PRDM16: variants seen among roughly 807,000 people sequenced by gnomAD.
PRDM16 encodes the protein PR/SET domain 16.
PRDM16 carries 23 observed loss-of-function variants against 110.6 expected under a neutral mutation model. The ratio of observed to expected loss-of-function variants is 0.21; its 90% CI spans 0.15 to 0.29. The LOEUF is 0.29. Among genes scored for constraint, PRDM16 ranks in the 10% least tolerant of loss-of-function variants. The pLI is 1.00. For missense variants in PRDM16, 1,615 were observed against 1,794.3 expected, an observed-to-expected ratio of 0.90 and a Z score of 1.81; for synonymous variants, 799 against 781.8, an observed-to-expected ratio of 1.02 and a Z score of -0.37.
chr1:3,361,768 T>C (rs1642717790), intron 3 of PRDM16, among the ~76,000 whole-genome samples: 1 of 142,522 alleles, frequency 7.0e-6, no homozygotes, highest in Non-Finnish European at 1.5e-5. Context: ...AGTGACGCGG[T>C]CTGGGAGGGC....
chr1:3,161,954 G>C (rs1039055968), intron 1 of PRDM16, among the ~76,000 whole-genome samples: 2 of 152,124 alleles, frequency 1.3e-5, no homozygotes, highest in African/African-American at 2.4e-5. Flanking sequence ...GCTCGTGTTC[G>C]GGCAGCGCTC....
rs34666813 is a variant in PRDM16, at chr1:3,297,280, A to ATT, written c.438+53165_438+53166dup. On this transcript the variant is annotated intron_variant, in intron 3 of 16. Coordinates refer to ENST00000270722, the MANE Select transcript of PRDM16 (RefSeq NM_022114.4). ...TCCAGGTCAACGTCTGGTGAGAGGAATTTTTTTTTTTTTTTTTTTTTTTGA... is the reference window on the plus strand; with the variant it reads ...TCCAGGTCAACGTCTGGTGAGAGGAATTTTTTTTTTTTTTTTTTTTTTTTTGA... Among the ~76,000 whole-genome samples, 521 of 120,948 alleles carry ATT rather than the reference A, an allele frequency of 4.3e-3. 4 individuals carry two copies. The highest frequency in any genetic ancestry group is 0.016 in the African/African-American group (494 of 31,622). The allele number at this position is 120,948 out of a possible 152,430, so 79.3% of individuals were successfully genotyped here.
rs1024227690 is a variant in PRDM16 at position 3,265,427 on chromosome 1, T to C, written c.438+21290T>C. On this transcript the variant is annotated intron_variant, in intron 3 of 16. Coordinates refer to ENST00000270722, the MANE Select transcript of PRDM16 (RefSeq NM_022114.4). This position sits in a 1 kb window ranked among gnomAD's most constrained non-coding sequence, Gnocchi z 4.5. ...GTGAAGGGCCTAGTAGGGGCTGAGGTCCTGTCCCAGTAGGGGGTTGGGGAG... is the reference window on the plus strand; with the variant it reads ...GTGAAGGGCCTAGTAGGGGCTGAGGCCCTGTCCCAGTAGGGGGTTGGGGAG... Among the ~76,000 whole-genome samples, 2 of 151,328 alleles carry C rather than the reference T, an allele frequency of 1.3e-5. No homozygotes were observed. Among genetic ancestry groups the C allele is most frequent in the African/African-American group, 2.4e-5 (1 of 41,132 alleles).
intron 1 of PRDM16, among the ~76,000 whole-genome samples, chr1:3,133,949 A>G (rs1337810432): frequency 6.6e-6 from 1 of 152,240 alleles, no homozygotes; most frequent in African/African-American, 2.4e-5. Context: ...GAGCAGCCCC[A>G]AAGCACACAC....
intron 3 of PRDM16, among the ~76,000 whole-genome samples, chr1:3,298,458 T>C (rs60415864): frequency 1.3e-5 from 2 of 152,240 alleles, no homozygotes; most frequent in African/African-American, 4.8e-5. Context: ...ATGGAGGCAC[T>C]GAAGCTTTCA....
chr1:3,409,771 TTGTG>T (rs975744367), intron 8 of PRDM16, among the ~76,000 whole-genome samples: 3 of 121,528 alleles, frequency 2.5e-5, no homozygotes, highest in South Asian at 2.8e-4. Context: ...GTGTGTGTGG[TTGTG>T]TGTGGGTGTG....
At chr1:3,328,316 G>A (rs982975940) in intron 3 of PRDM16, among the ~76,000 whole-genome samples, 1 of 152,222 alleles carries the variant, frequency 6.6e-6, no homozygotes, top group African/African-American at 2.4e-5. Context: ...TGTGCAGTGG[G>A]GGGTGCTCAC....
rs927257826 is a variant in PRDM16, at chr1:3,436,698, G to A, written c.*2887G>A. 6.9e-5 allele frequency: 16 copies of A among 231,516 alleles called. No individual in the cohort carries two copies. Among genetic ancestry groups the A allele is most frequent in the African/African-American group, 2.4e-4 (11 of 45,286 alleles). The allele number at this position is 231,516 out of a possible 1,614,324, so 14.3% of individuals were successfully genotyped here. A position where few individuals can be genotyped will look rare whatever the true frequency, so the allele number is the denominator to read the frequency against. On this transcript the variant is annotated 3_prime_UTR_variant, in exon 17 of 17. Coordinates refer to ENST00000270722, the MANE Select transcript of PRDM16 (RefSeq NM_022114.4). ...TGACAAGGGCCAGGGAGCCTGGCCC[G>A]GGTGTGAGAATTCAGAGATTCTGGC...
rs1644074885 is a variant in PRDM16 at position 3,175,531 on chromosome 1, C to T, written c.38-10594C>T. Reference sequence around the variant, plus strand: ...AGGCACCCAGTTGGGGGAACATTCTCCAGGTCTCTGACCCACTACACAGCA... The same window carrying T: ...AGGCACCCAGTTGGGGGAACATTCTTCAGGTCTCTGACCCACTACACAGCA... On this transcript the variant is annotated intron_variant, in intron 1 of 16. Transcript: ENST00000270722. This position sits in a 1 kb window ranked among gnomAD's most constrained non-coding sequence, Gnocchi z 4.8. 6.6e-6 allele frequency among the ~76,000 whole-genome samples: 1 copy of T among 152,096 alleles called. No homozygotes were observed. The highest frequency in any genetic ancestry group is 1.5e-5 in the Non-Finnish European group (1 of 68,024).
rs1038838939 is a variant in PRDM16, at chr1:3,411,576, G to C, written c.1379G>C (p.Gly460Ala). ...HYTPGGIFAP[G>A]LPLTPSPMMD... ...ACGCCGGGCGGCATCTTTGCCCCGGGCCTGCCCTTGACCCCCAGCCCCATG... is the reference window on the plus strand; with the variant it reads ...ACGCCGGGCGGCATCTTTGCCCCGGCCCTGCCCTTGACCCCCAGCCCCATG... Residue 460 changes from glycine to alanine, a missense_variant, in exon 9 of 17, where the codon GGC (glycine) becomes GCC (alanine). Physicochemically the swap from Gly to Ala is moderately conservative, Grantham distance 60. Coordinates refer to ENST00000270722, the MANE Select transcript of PRDM16 (RefSeq NM_022114.4). 6.2e-7 allele frequency: 1 copy of C among 1,614,024 alleles called. No individual in the cohort carries two copies. Among genetic ancestry groups the C allele is most frequent in the Admixed American group, 1.7e-5 (1 of 60,030 alleles).
intron 3 of PRDM16, among the ~76,000 whole-genome samples, chr1:3,266,333 G>T (rs1569955785): frequency 6.6e-6 from 1 of 152,314 alleles, no homozygotes; most frequent in African/African-American, 2.4e-5. Context: ...GTGGCCCAAG[G>T]CCGGCCGAGC....
At chr1:3,099,864 C>T (rs1642492259) in intron 1 of PRDM16, among the ~76,000 whole-genome samples, 1 of 151,992 alleles carries the variant, frequency 6.6e-6, no homozygotes, top group Non-Finnish European at 1.5e-5. Context: ...GCGCCCCCTC[C>T]TTCTCCACCT....
chr1:3,379,136 ACCCCTCCC>A (rs1643050265), intron 3 of PRDM16, among the ~76,000 whole-genome samples: 2 of 24,868 alleles, frequency 8.0e-5, no homozygotes, highest in African/African-American at 1.3e-4. Flanking sequence ...CTCCCAACAC[ACCCCTCCC>A]AGCACACCCC....
Position 3,402,957 on chromosome 1 carries a change from C to A in PRDM16, c.843C>A (p.His281Gln), listed in dbSNP as rs201199516. 1 of 1,612,310 alleles carries A rather than the reference C, an allele frequency of 6.2e-7. No individual in the cohort carries two copies. The highest frequency in any genetic ancestry group is 8.5e-7 in the Non-Finnish European group (1 of 1,179,852). The change falls in exon 6 of 17, where the codon CAC (histidine) becomes CAA (glutamine). Residue 281 changes from histidine to glutamine, a missense_variant. Coordinates refer to ENST00000270722, the MANE Select transcript of PRDM16 (RefSeq NM_022114.4). ...EGLGGGSGQA[H>Q]ECKDCERMFP... ...TTGGCGGTGGCAGCGGCCAAGCCCA[C>A]GAGTGCAAGGACTGCGAGCGGATGT...
intron 3 of PRDM16, among the ~76,000 whole-genome samples, chr1:3,266,332 G>A (rs529723285): frequency 6.6e-6 from 1 of 152,196 alleles, no homozygotes; most frequent in South Asian, 2.1e-4. Context: ...GGTGGCCCAA[G>A]GCCGGCCGAG....
At chr1:3,147,243 C>T (rs1465121746) in intron 1 of PRDM16, among the ~76,000 whole-genome samples, 1 of 152,010 alleles carries the variant, frequency 6.6e-6, no homozygotes, top group Non-Finnish European at 1.5e-5. Context: ...GCATTCACTT[C>T]TAAGTTGGGG....
chr1:3,408,979 G>A lies in PRDM16; in HGVS notation c.1187-2405G>A, dbSNP rs568013962. Among the ~76,000 whole-genome samples, 20 of 151,112 alleles carry A rather than the reference G, an allele frequency of 1.3e-4. No individual in the cohort carries two copies. In the South Asian group the frequency reaches 1.9e-3, roughly 14 times the overall value. On this transcript the variant is annotated intron_variant, in intron 8 of 16. Coordinates refer to ENST00000270722, the MANE Select transcript of PRDM16 (RefSeq NM_022114.4). ...TGTGAGCCAGTGCATGTGTTGGCAC[G>A]TGTGAGAGCATGTGAGGGTTGGCGT...
rs941007203 is a variant in PRDM16, at chr1:3,297,087, G to A, written c.438+52950G>A. Reference sequence around the variant, plus strand: ...TCAGTGTGCGGTTTCCACTGAATGCGCGCAGATCTCAGACCTCGTGGGGTG... The same window carrying A: ...TCAGTGTGCGGTTTCCACTGAATGCACGCAGATCTCAGACCTCGTGGGGTG... On this transcript the variant is annotated intron_variant, in intron 3 of 16. Coordinates refer to ENST00000270722, the MANE Select transcript of PRDM16 (RefSeq NM_022114.4). 5.9e-5 allele frequency among the ~76,000 whole-genome samples: 9 copies of A among 152,170 alleles called. 1 individual carries two copies. Among genetic ancestry groups the A allele is most frequent in the Admixed American group, 2.0e-4 (3 of 15,290 alleles).
In PRDM16 at chr1:3,435,738, C is replaced by T. The variant is rs1450576251; in HGVS notation, c.*1927C>T. 5 of 232,576 alleles carry T rather than the reference C, an allele frequency of 2.1e-5. No individual in the cohort carries two copies. The highest frequency in any genetic ancestry group is 4.2e-5 in the Non-Finnish European group (5 of 117,746). The allele number at this position is 232,576 out of a possible 1,614,324, so 14.4% of individuals were successfully genotyped here. On this transcript the variant is annotated 3_prime_UTR_variant, in exon 17 of 17. Coordinates refer to ENST00000270722, the MANE Select transcript of PRDM16 (RefSeq NM_022114.4). Reference sequence around the variant, plus strand: ...GTCCCCAGCGGTGACGGGAGGTGTCCTGGCTGCTCCAGGACAAAAGACAAT... The same window carrying T: ...GTCCCCAGCGGTGACGGGAGGTGTCTTGGCTGCTCCAGGACAAAAGACAAT...
Sources: allele counts gnomAD v4.1 joint callset (sites outside exome capture counted in the v4.1 genomes callset), GRCh38; gene constraint gnomAD v4.1.1; non-coding constraint Gnocchi (gnomAD v3.1); transcripts MANE v1.5; gene names NCBI Gene and HGNC (gene_info 2026-07-23, HGNC 2026-07-21).